The following GPHN variants were observed in gnomAD, a reference collection of about 807,000 sequenced individuals.
The protein encoded by GPHN is gephyrin.
GPHN carries 17 observed loss-of-function variants against 95.5 expected under a neutral mutation model. The observed-to-expected ratio is 0.18, with a 90% CI of 0.12 to 0.27. The LOEUF (loss-of-function observed/expected upper bound fraction) is 0.27. Ranked by LOEUF, GPHN falls within the 10% of genes least tolerant of loss-of-function variation. GPHN has a pLI of 1.00. For missense variants in GPHN, 660 were observed against 978.1 expected, an observed-to-expected ratio of 0.67 and a Z score of 4.34; for synonymous variants, 320 against 322.5, an observed-to-expected ratio of 0.99 and a Z score of 0.08.
chr14:67,562,310 G>A, the GPHN span: 1 of 1,613,922 alleles, frequency 6.2e-7, no homozygotes. Flanking sequence ...GCAGAGCAAG[G>A]ACTCTGTTTC....
At chr14:67,414,980 G>A in the GPHN span, among the ~76,000 whole-genome samples, 1 of 152,200 alleles carries the variant, frequency 6.6e-6, no homozygotes, top group African/African-American at 2.4e-5. Context: ...CTGGCTCCTG[G>A]CAAATACAGG....
At chr14:67,711,971 G>A in the GPHN span, among the ~76,000 whole-genome samples, 49 of 152,250 alleles carry the variant, frequency 3.2e-4, no homozygotes, top group African/African-American at 1.1e-3. Flanking sequence ...CCAGGCTGAA[G>A]TGCAATGGTG....
At chr14:66,624,692 G>A (rs2063451809) in intron 1 of GPHN, among the ~76,000 whole-genome samples, 1 of 152,146 alleles carries the variant, frequency 6.6e-6, no homozygotes. Flanking sequence ...TAGCTTGGGA[G>A]GATTTTTACA....
intron 4 of GPHN, among the ~76,000 whole-genome samples, chr14:66,839,614 G>T (rs2061995038): frequency 6.6e-6 from 1 of 152,066 alleles, no homozygotes; most frequent in Admixed American, 6.6e-5. Context: ...AACTATAATG[G>T]AGTCTTATTA....
At chr14:67,695,821 G>C in the GPHN span, 1 of 919,618 alleles carries the variant, frequency 1.1e-6, no homozygotes, top group Non-Finnish European at 1.7e-6. Flanking sequence ...AGACCTTCTG[G>C]GAAATGTAGT....
intron 1 of GPHN, among the ~76,000 whole-genome samples, chr14:66,607,121 T>C (rs1377060133): frequency 6.6e-6 from 1 of 152,032 alleles, no homozygotes; most frequent in Non-Finnish European, 1.5e-5. Context: ...AGGTTTTTCA[T>C]TCTTATTATT....
chr14:66,686,271 C>G (rs2067353969), intron 2 of GPHN, among the ~76,000 whole-genome samples: 1 of 152,052 alleles, frequency 6.6e-6, no homozygotes, highest in Admixed American at 6.5e-5. Flanking sequence ...TAGTTATTTC[C>G]AATTCTGTGA....
chr14:67,042,960 C>A lies in GPHN; in HGVS notation c.1007-15689C>A, dbSNP rs1376317204. Among the ~76,000 whole-genome samples the A allele has an allele frequency of 2.6e-5, 4 of 152,076 alleles. No individual in the cohort carries two copies. The South Asian group carries it at 8.3e-4, about 32-fold the overall frequency. ...GAGGTCTTTCACATCCCTTGTAAGT[C>A]GTATTCCTAGGTATTTTATTCTCTT... On this transcript the variant is annotated intron_variant, in intron 10 of 22. Transcript: ENST00000478722.
chr14:67,713,355 A>G, the GPHN span, among the ~76,000 whole-genome samples: 2 of 148,290 alleles, frequency 1.3e-5, no homozygotes, highest in African/African-American at 2.5e-5. Context: ...TCGTCATGGA[A>G]GCAGAAAAAC....
chr14:66,856,939 A>G (rs1381718220), intron 4 of GPHN, among the ~76,000 whole-genome samples: 1 of 152,176 alleles, frequency 6.6e-6, no homozygotes, highest in African/African-American at 2.4e-5. Flanking sequence ...ATAGTAAACT[A>G]GAATGAAAGA....
intron 8 of GPHN, among the ~76,000 whole-genome samples, chr14:66,959,005 T>C (rs1029740227): frequency 1.3e-5 from 2 of 152,164 alleles, no homozygotes; most frequent in Non-Finnish European, 2.9e-5. Context: ...ATTGTGTTAG[T>C]GGTTTCCCTG....
chr14:66,545,693 G>A (rs1594901529), intron 1 of GPHN, among the ~76,000 whole-genome samples: 1 of 133,080 alleles, frequency 7.5e-6, no homozygotes, highest in Admixed American at 7.3e-5. Context: ...CCGGGCAGAG[G>A]CGCCCCTCAC....
the GPHN span, among the ~76,000 whole-genome samples, chr14:67,246,658 T>G: frequency 6.7e-6 from 1 of 148,264 alleles, no homozygotes; most frequent in African/African-American, 2.5e-5. Flanking sequence ...GGTTTTTTTT[T>G]TTTTTTTTTT....
chr14:66,677,784 C>T (rs568822486), intron 1 of GPHN, among the ~76,000 whole-genome samples: 9 of 152,204 alleles, frequency 5.9e-5, no homozygotes, highest in African/African-American at 1.9e-4. Flanking sequence ...GGTCCAACAG[C>T]TGCAGTTGGA....
chr14:66,814,863 A>G (rs1566973544), intron 3 of GPHN, among the ~76,000 whole-genome samples: 1 of 152,242 alleles, frequency 6.6e-6, no homozygotes, highest in Non-Finnish European at 1.5e-5. Flanking sequence ...AATGAAGATC[A>G]TTGAGCTACA....
the GPHN span, chr14:67,615,921 T>G: frequency 3.7e-6 from 2 of 543,702 alleles, no homozygotes; most frequent in Non-Finnish European, 3.4e-6. Flanking sequence ...TAAAAAGAAG[T>G]CTGCAAAGCT....
At chr14:67,358,168 C>T in the GPHN span, among the ~76,000 whole-genome samples, 2 of 152,068 alleles carry the variant, frequency 1.3e-5, no homozygotes, top group Non-Finnish European at 1.5e-5. Context: ...AAACTAGTGT[C>T]GATGTCTTTC....
chr14:66,539,673 G>A (rs1352828024), intron 1 of GPHN, among the ~76,000 whole-genome samples: 1 of 151,868 alleles, frequency 6.6e-6, no homozygotes, highest in Non-Finnish European at 1.5e-5. Context: ...TGCTCACCTC[G>A]GCCTCCCAAA....
At chr14:66,720,543 A>G (rs375538135) in intron 2 of GPHN, among the ~76,000 whole-genome samples, 5 of 152,304 alleles carry the variant, frequency 3.3e-5, no homozygotes, top group African/African-American at 9.6e-5. Context: ...ATATCAGACC[A>G]GTTTTTCCAG....
Sources: allele counts gnomAD v4.1 joint callset (sites outside exome capture counted in the v4.1 genomes callset), GRCh38; gene constraint gnomAD v4.1.1; transcripts MANE v1.5; gene names NCBI Gene and HGNC (gene_info 2026-07-23, HGNC 2026-07-21).